PDS5B: variants seen among roughly 807,000 people sequenced by gnomAD.
PDS5B encodes the protein PDS5 cohesin associated factor B, also known as sister chromatid cohesion protein PDS5 homolog B.
In PDS5B, 51 loss-of-function variants were observed where a neutral mutation model predicts 184.1. The observed-to-expected ratio is 0.28, with a 90% CI of 0.22 to 0.35. The LOEUF (loss-of-function observed/expected upper bound fraction) is 0.35. Among genes scored for constraint, PDS5B ranks in the 10% least tolerant of loss-of-function variants. The pLI is 1.00. For missense variants in PDS5B, 1,180 were observed against 1,723.3 expected (o/e 0.68, Z 5.58); for synonymous variants, 566 against 569.2 (o/e 0.99, Z 0.08).
At chr13:32,652,241 A>G in intron 3 of PDS5B, 2 of 387,858 alleles carry the variant, frequency 5.2e-6, no homozygotes, top group South Asian at 9.2e-5. Context: ...ATATCATGTC[A>G]TCATTAGCTC....
rs1161953419 is a variant in PDS5B at position 32,777,902 on chromosome 13, A to G, written c.*2850A>G. On this transcript the variant is annotated 3_prime_UTR_variant, in exon 35 of 35. Transcript: ENST00000315596. ...ATTTAAGAATTTGTTTAAATTAGGC[A>G]TATCTCTGCCATCACATAGTATTAT... The G allele has an allele frequency of 6.6e-6, 1 of 152,462 alleles. No individual in the cohort carries two copies. 9.4% of individuals were successfully genotyped at this position (152,462 alleles called of 1,614,324 possible).
chr13:32,671,861 T>C (rs992059899), intron 7 of PDS5B, among the ~76,000 whole-genome samples: 9 of 152,176 alleles, frequency 5.9e-5, no homozygotes, highest in African/African-American at 2.2e-4. Context: ...CTTGACTCCT[T>C]CTCCGCTGAG....
intron 15 of PDS5B, 93 bp downstream of exon 15, chr13:32,696,995 G>C: frequency 1.4e-6 from 1 of 700,634 alleles, no homozygotes; most frequent in East Asian, 3.0e-5. Flanking sequence ...TATAGGCTAT[G>C]ATAATATAGG....
At chr13:32,735,989 G>C (rs1953316241) in intron 21 of PDS5B, among the ~76,000 whole-genome samples, 1 of 151,922 alleles carries the variant, frequency 6.6e-6, no homozygotes, top group Admixed American at 6.6e-5. Context: ...CATTTTACCA[G>C]TCTGTTTTAC....
chr13:32,734,424 T>C (rs1953244855), intron 20 of PDS5B, among the ~76,000 whole-genome samples: 1 of 152,210 alleles, frequency 6.6e-6, no homozygotes, highest in Admixed American at 6.5e-5. Flanking sequence ...AATGGTTGGG[T>C]TTCCTATCAG....
intron 14 of PDS5B, among the ~76,000 whole-genome samples, chr13:32,696,571 A>G (rs1402582382): frequency 2.0e-5 from 3 of 151,928 alleles, no homozygotes; most frequent in Non-Finnish European, 4.4e-5. Flanking sequence ...CAAAACCCCA[A>G]AATACGTACC....
intron 10 of PDS5B, among the ~76,000 whole-genome samples, chr13:32,679,638 C>CAAA (rs781188988): frequency 1.4e-5 from 2 of 142,256 alleles, no homozygotes; most frequent in African/African-American, 5.0e-5. Context: ...CTCTTTATCT[C>CAAA]AAAAAAAAAA....
chr13:32,649,206 T>C (rs1214866319), intron 2 of PDS5B: 3 of 196,132 alleles, frequency 1.5e-5, no homozygotes, highest in Non-Finnish European at 3.1e-5. Context: ...AGACAACCAC[T>C]TTAAGGGAGT....
At chr13:32,611,932 A>G (rs144371573) in intron 1 of PDS5B, among the ~76,000 whole-genome samples, 2,077 of 152,140 alleles carry the variant, frequency 0.014, 39 homozygotes, top group African/African-American at 0.047. Context: ...TTTACTTTTC[A>G]ACAGAATTTC....
At chr13:32,682,621 T>A (rs1467848148) in intron 10 of PDS5B, among the ~76,000 whole-genome samples, 3 of 152,228 alleles carry the variant, frequency 2.0e-5, no homozygotes, top group Non-Finnish European at 4.4e-5. Context: ...CTTATGTTCT[T>A]ATTTCTTTTT....
At chr13:32,593,425 C>A (rs1294231565) in intron 1 of PDS5B, among the ~76,000 whole-genome samples, 1 of 152,234 alleles carries the variant, frequency 6.6e-6, no homozygotes, top group East Asian at 1.9e-4. Context: ...ACTGCAACCT[C>A]TGCCTCATGG....
At chr13:32,760,442 T>C in intron 29 of PDS5B, 133 bp from the exon 30 acceptor site, 2 of 749,344 alleles carry the variant, frequency 2.7e-6, no homozygotes, top group East Asian at 2.7e-5. Flanking sequence ...TACTTATTAC[T>C]TTGCTTAAGG....
chr13:32,677,982 A>G (rs1226319551), intron 9 of PDS5B, among the ~76,000 whole-genome samples: 1 of 152,168 alleles, frequency 6.6e-6, no homozygotes, highest in African/African-American at 2.4e-5. Flanking sequence ...GGAAGAACAC[A>G]GTGCCATCTA....
chr13:32,614,390 C>T (rs935483862), intron 1 of PDS5B, among the ~76,000 whole-genome samples: 31 of 151,940 alleles, frequency 2.0e-4, no homozygotes, highest in African/African-American at 5.8e-4. Context: ...CTCCGCCTCC[C>T]GGGTTCAGGC....
At chr13:32,758,744 T>TCAGGAAGGATCA (rs1294718779) in intron 28 of PDS5B, 91 bp downstream of exon 28, 65 of 1,236,796 alleles carry the variant, frequency 5.3e-5, no homozygotes, top group Non-Finnish European at 6.8e-5. Flanking sequence ...CATGGAAAAA[T>TCAGGAAGGATCA]TGCTGTGAGT....
intron 9 of PDS5B, among the ~76,000 whole-genome samples, chr13:32,676,919 A>G (rs1196866159): frequency 8.6e-6 from 1 of 115,922 alleles, no homozygotes; most frequent in African/African-American, 3.6e-5. Flanking sequence ...CGACAGAGCG[A>G]GACTCTTGTC....
chr13:32,729,882 C>G (rs906055952), intron 19 of PDS5B, among the ~76,000 whole-genome samples: 2 of 152,018 alleles, frequency 1.3e-5, no homozygotes, highest in Non-Finnish European at 2.9e-5. Context: ...TTCTCCTGTT[C>G]TGTAGGCTAC....
At chr13:32,738,519 C>T (rs1322448153) in intron 21 of PDS5B, among the ~76,000 whole-genome samples, 3 of 152,144 alleles carry the variant, frequency 2.0e-5, no homozygotes, top group South Asian at 2.1e-4. Context: ...ACCTTTTATT[C>T]CCCTTGGTGT....
At chr13:32,624,997 A>G (rs534700144) in intron 1 of PDS5B, among the ~76,000 whole-genome samples, 3 of 152,288 alleles carry the variant, frequency 2.0e-5, no homozygotes, top group Admixed American at 6.5e-5. Flanking sequence ...GAGCTCAGCA[A>G]TGTGATAACA....
Sources: allele counts gnomAD v4.1 joint callset (sites outside exome capture counted in the v4.1 genomes callset), GRCh38; gene constraint gnomAD v4.1.1; transcripts MANE v1.5; gene names NCBI Gene and HGNC (gene_info 2026-07-23, HGNC 2026-07-21).